The following NEBL variants were observed in gnomAD, a reference collection of about 807,000 sequenced individuals.
NEBL encodes LIM and SH3 protein 2.
A neutral mutation model predicts 140.2 loss-of-function variants in NEBL; 122 were observed. The observed-to-expected ratio is 0.87, with a 90% CI of 0.75 to 1.01. NEBL has a LOEUF of 1.01. Among genes scored for constraint, NEBL ranks in the 50% least tolerant of loss-of-function variants. The pLI is 0.00. For synonymous variants in NEBL, 436 were observed against 398.9 expected, an observed-to-expected ratio of 1.09 and a Z score of -1.11; for missense variants, 1,365 against 1,231.3, an observed-to-expected ratio of 1.11 and a Z score of -1.62.
chr10:20,913,614 G>T (rs568634813), intron 4 of NEBL, among the ~76,000 whole-genome samples: 4 of 152,102 alleles, frequency 2.6e-5, no homozygotes, highest in Admixed American at 1.3e-4. Flanking sequence ...ACGAAATATC[G>T]TATCAGGAAT....
chr10:21,263,498 A>G (rs1204769699), intron 1 of NEBL, among the ~76,000 whole-genome samples: 1 of 152,160 alleles, frequency 6.6e-6, no homozygotes, highest in African/African-American at 2.4e-5. Context: ...TTTGTCCGTG[A>G]CCAGGTCACA....
chr10:20,943,133 T>C (rs1414415584), intron 4 of NEBL, among the ~76,000 whole-genome samples: 1 of 152,214 alleles, frequency 6.6e-6, no homozygotes, highest in African/African-American at 2.4e-5. Flanking sequence ...TAAAGACACA[T>C]GCACACGTAT....
At chr10:21,213,144 T>C (rs1463560941) in intron 3 of NEBL, among the ~76,000 whole-genome samples, 1 of 152,218 alleles carries the variant, frequency 6.6e-6, no homozygotes, top group Non-Finnish European at 1.5e-5. Flanking sequence ...CAAAGTTGGA[T>C]TGAAATGATA....
chr10:20,943,374 G>T (rs930287652), intron 4 of NEBL, among the ~76,000 whole-genome samples: 1 of 152,176 alleles, frequency 6.6e-6, no homozygotes, highest in African/African-American at 2.4e-5. Flanking sequence ...CTCATTCATA[G>T]GTGGGAACCG....
chr10:21,053,902 T>G (rs568929), intron 2 of NEBL, among the ~76,000 whole-genome samples: 60,022 of 151,784 alleles, frequency 0.4, 11,966 homozygotes, highest in Middle Eastern at 0.47. Flanking sequence ...GCATGGTGGT[T>G]CGCACCTGTA....
chr10:20,973,539 C>T (rs546736177), intron 3 of NEBL, among the ~76,000 whole-genome samples: 53 of 152,216 alleles, frequency 3.5e-4, no homozygotes, highest in Non-Finnish European at 5.7e-4. Flanking sequence ...CATAAGCCAT[C>T]GCTCCCAGAC....
intron 9 of NEBL, among the ~76,000 whole-genome samples, chr10:20,855,530 A>C (rs535112787): frequency 1.1e-3 from 170 of 151,972 alleles, no homozygotes; most frequent in African/African-American, 3.8e-3. Flanking sequence ...CAAAACAAAA[A>C]AAAAACGAAG....
chr10:21,173,243 G>A lies in NEBL; in HGVS notation c.69+522C>T, dbSNP rs1239193994. ...TGGGTCCGGCTTGCCGCGCTGAGCC[G>A]GAGCTCTCCAGCAGGGATTATTCTT... On this transcript the variant is annotated intron_variant, in intron 1 of 6. Transcript: ENST00000417816. This position sits in a 1 kb window ranked among gnomAD's most constrained non-coding sequence, Gnocchi z 5.7. Among the ~76,000 whole-genome samples the A allele has an allele frequency of 6.6e-6, 1 of 152,218 alleles. No homozygotes were observed. Among genetic ancestry groups the A allele is most frequent in the African/African-American group, 2.4e-5 (1 of 41,474 alleles).
intron 7 of NEBL, among the ~76,000 whole-genome samples, chr10:20,863,677 A>T (rs1843963276): frequency 6.6e-6 from 1 of 152,134 alleles, no homozygotes; most frequent in South Asian, 2.1e-4. Flanking sequence ...CCATACACCT[A>T]TTGGCAGCCT....
At chr10:21,289,830 C>A (rs1257155382) in intron 1 of NEBL, among the ~76,000 whole-genome samples, 2 of 152,200 alleles carry the variant, frequency 1.3e-5, no homozygotes, top group Non-Finnish European at 2.9e-5. Context: ...CAAACCCAAT[C>A]TGGTGCCTGC....
intron 3 of NEBL, among the ~76,000 whole-genome samples, chr10:20,974,059 T>A (rs1836690827): frequency 1.3e-5 from 2 of 152,116 alleles, no homozygotes; most frequent in African/African-American, 4.8e-5. Flanking sequence ...GAATTCTAAC[T>A]AATATGAGAA....
At chr10:20,988,272 G>C (rs1307977052) in intron 3 of NEBL, among the ~76,000 whole-genome samples, 1 of 152,138 alleles carries the variant, frequency 6.6e-6, no homozygotes, top group African/African-American at 2.4e-5. Flanking sequence ...GACTTGTCCT[G>C]AGTCCATGAC....
intron 3 of NEBL, among the ~76,000 whole-genome samples, chr10:21,231,156 G>C (rs887474641): frequency 3.3e-5 from 5 of 152,190 alleles, no homozygotes; most frequent in Admixed American, 1.3e-4. Flanking sequence ...TTCTTGGCTT[G>C]GTGGATGCAG....
At chr10:20,888,235 T>A (rs200929034) in intron 3 of NEBL, 28 bp from the exon 4 acceptor site, 1 of 1,220,006 alleles carries the variant, frequency 8.2e-7, no homozygotes, top group Non-Finnish European at 1.2e-6. Flanking sequence ...AGGAAAAAAA[T>A]AAATAAATAA....
rs538761962 is a variant in NEBL at position 21,134,991 on chromosome 10, T to C, written c.164+37392A>G. The stretch of plus-strand genomic sequence containing the variant: ...TTTTAAAAAACCAGACATGGGATTA[T>C]TCAGCTCGATTATTCACCCGCTCCA... On this transcript the variant is annotated intron_variant, in intron 2 of 6. Coordinates refer to the NEBL transcript ENST00000417816. 2.0e-3 allele frequency among the ~76,000 whole-genome samples: 312 copies of C among 152,328 alleles called. 2 individuals carry two copies. The highest frequency in any genetic ancestry group is 3.6e-3 in the Non-Finnish European group (246 of 68,030).
At chr10:21,061,276 AT>A (rs1219487739) in intron 2 of NEBL, among the ~76,000 whole-genome samples, 2 of 148,992 alleles carry the variant, frequency 1.3e-5, no homozygotes, top group Non-Finnish European at 3.0e-5. Flanking sequence ...CATATTACAT[AT>A]TATGTGATAT....
chr10:20,843,326 A>G (rs1841568053), intron 12 of NEBL, among the ~76,000 whole-genome samples: 1 of 152,038 alleles, frequency 6.6e-6, no homozygotes, highest in Admixed American at 6.6e-5. Context: ...TAAGCCACTT[A>G]GTCTGTGGTA....
intron 4 of NEBL, among the ~76,000 whole-genome samples, chr10:20,919,676 GATA>G (rs944450969): frequency 2.0e-5 from 3 of 152,088 alleles, no homozygotes; most frequent in Admixed American, 2.0e-4. Flanking sequence ...CTCACACCAA[GATA>G]AATTCCAAAT....
chr10:20,913,153 G>A (rs911324596), intron 4 of NEBL, among the ~76,000 whole-genome samples: 6 of 152,276 alleles, frequency 3.9e-5, no homozygotes, highest in Middle Eastern at 3.4e-3. Flanking sequence ...AGCCATCAGT[G>A]AGAGCTGCAC....
Sources: gnomAD v4.1 joint callset for allele counts (sites outside exome capture counted in the v4.1 genomes callset) on GRCh38, gnomAD v4.1.1 for gene constraint, Gnocchi (gnomAD v3.1) non-coding constraint, MANE v1.5 for transcripts, NCBI Gene and HGNC (gene_info 2026-07-23, HGNC 2026-07-21) for gene names.